The following ARHGAP24 variants were observed in gnomAD, a reference collection of about 807,000 sequenced individuals.
ARHGAP24 encodes rho GTPase-activating protein 24.
In ARHGAP24, 50 loss-of-function variants were observed where a neutral mutation model predicts 76.4. That is an observed-to-expected ratio of 0.65 (90% CI 0.52 to 0.83). The LOEUF (loss-of-function observed/expected upper bound fraction) is 0.83. Ranked by LOEUF, ARHGAP24 falls within the 40% of genes least tolerant of loss-of-function variation. The pLI, the probability that ARHGAP24 is intolerant of heterozygous loss-of-function variation, is 0.00. For missense variants in ARHGAP24, 930 were observed against 914.2 expected, an observed-to-expected ratio of 1.02 and a Z score of -0.22; for synonymous variants, 345 against 323.3, an observed-to-expected ratio of 1.07 and a Z score of -0.72.
intron 2 of ARHGAP24, among the ~76,000 whole-genome samples, chr4:85,612,069 CTCTT>C (rs1246090610): frequency 1.5e-5 from 2 of 133,406 alleles, no homozygotes; most frequent in Non-Finnish European, 3.1e-5. Flanking sequence ...AAATTGGGTT[CTCTT>C]TCATTACATT....
At chr4:85,676,572 G>A (rs546419490) in intron 2 of ARHGAP24, among the ~76,000 whole-genome samples, 1 of 152,266 alleles carries the variant, frequency 6.6e-6, no homozygotes, top group Non-Finnish European at 1.5e-5. Flanking sequence ...TGAACAAGGA[G>A]TTAGGAAACT....
chr4:85,728,253 A>T (rs1725245583), intron 3 of ARHGAP24, among the ~76,000 whole-genome samples: 2 of 137,988 alleles, frequency 1.4e-5, no homozygotes, highest in South Asian at 4.8e-4. Flanking sequence ...AAAAAAAAAA[A>T]GGCAAATACC....
chr4:85,580,169 A>T (rs2623766), intron 2 of ARHGAP24, among the ~76,000 whole-genome samples: 2,412 of 151,740 alleles, frequency 0.016, 54 homozygotes, highest in African/African-American at 0.055. Context: ...AGAGAGAGAG[A>T]GAGAGAGACC....
chr4:85,690,248 T>C (rs1723582141), intron 2 of ARHGAP24, among the ~76,000 whole-genome samples: 1 of 139,318 alleles, frequency 7.2e-6, no homozygotes, highest in African/African-American at 2.6e-5. Context: ...CAGAGATATT[T>C]ATCAGAAATA....
chr4:85,740,712 G>C (rs556952185), intron 3 of ARHGAP24, among the ~76,000 whole-genome samples: 1 of 151,882 alleles, frequency 6.6e-6, no homozygotes, highest in South Asian at 2.1e-4. Flanking sequence ...TCTTTCCTTC[G>C]TGTGAGTGGA....
In ARHGAP24 at chr4:85,570,509, G is replaced by A; in HGVS notation, c.-20-13G>A. On this transcript the variant is annotated splice_polypyrimidine_tract_variant and intron_variant, in intron 1 of 9. Coordinates refer to ENST00000395184, the MANE Select transcript of ARHGAP24 (RefSeq NM_001025616.3). ...CACCTCATTATTTTCCTTTCTTTTT[G>A]TTTGCTAACTAGGAAAGTCCATCAG... 1 of 1,591,308 alleles carries A rather than the reference G, an allele frequency of 6.3e-7. No homozygotes were observed. Among genetic ancestry groups the A allele is most frequent in the Non-Finnish European group, 8.5e-7 (1 of 1,170,514 alleles).
At chr4:85,544,156 A>C (rs1372001424) in intron 1 of ARHGAP24, among the ~76,000 whole-genome samples, 1 of 152,222 alleles carries the variant, frequency 6.6e-6, no homozygotes, top group Non-Finnish European at 1.5e-5. Context: ...TACTACTGCC[A>C]GGCTGATAAT....
At chr4:85,482,523 G>A (rs997231070) in intron 1 of ARHGAP24, among the ~76,000 whole-genome samples, 7 of 152,104 alleles carry the variant, frequency 4.6e-5, no homozygotes, top group Non-Finnish European at 7.4e-5. Flanking sequence ...TCAAGCTGCC[G>A]AGGGAGGATG....
chr4:85,523,886 G>C (rs1430831110), intron 1 of ARHGAP24, among the ~76,000 whole-genome samples: 1 of 151,970 alleles, frequency 6.6e-6, no homozygotes, highest in Non-Finnish European at 1.5e-5. Flanking sequence ...TTACAACGGA[G>C]TTAAAATTTT....
At chr4:85,498,558 G>A (rs72976487) in intron 1 of ARHGAP24, among the ~76,000 whole-genome samples, 2,442 of 152,306 alleles carry the variant, frequency 0.016, 65 homozygotes, top group African/African-American at 0.055. Flanking sequence ...AAATCCACGG[G>A]CCTGTGTAGA....
chr4:85,878,225 A>G (rs541959496), intron 3 of ARHGAP24, among the ~76,000 whole-genome samples: 3 of 152,262 alleles, frequency 2.0e-5, no homozygotes, highest in Admixed American at 1.3e-4. Context: ...AGATATGTAT[A>G]TGTGTTTTTG....
intron 2 of ARHGAP24, among the ~76,000 whole-genome samples, chr4:85,632,566 C>T (rs915454348): frequency 2.0e-5 from 3 of 149,658 alleles, no homozygotes; most frequent in Admixed American, 2.0e-4. Context: ...GAAAAATATC[C>T]CTGTGGACTC....
chr4:85,506,883 G>A (rs1203422650), intron 1 of ARHGAP24, among the ~76,000 whole-genome samples: 1 of 75,318 alleles, frequency 1.3e-5, no homozygotes, highest in African/African-American at 5.0e-5. Context: ...CTTGGAATGG[G>A]ATCTAAGCCT....
At chr4:85,896,313 A>G (rs1165795676) in intron 3 of ARHGAP24, among the ~76,000 whole-genome samples, 1 of 152,188 alleles carries the variant, frequency 6.6e-6, no homozygotes, top group Non-Finnish European at 1.5e-5. Context: ...GTATTACTAT[A>G]TTATCTTAAA....
intron 3 of ARHGAP24, among the ~76,000 whole-genome samples, chr4:85,765,583 C>G (rs993975973): frequency 6.6e-6 from 1 of 152,048 alleles, no homozygotes; most frequent in African/African-American, 2.4e-5. Context: ...CTACTCTTTA[C>G]AAGCTTCTGG....
intron 2 of ARHGAP24, among the ~76,000 whole-genome samples, chr4:85,665,884 T>A (rs1722596013): frequency 6.6e-6 from 1 of 152,214 alleles, no homozygotes; most frequent in South Asian, 2.1e-4. Context: ...CCAAGAGATC[T>A]GCTGTTAGTC....
chr4:85,678,621 A>G (rs1723084237), intron 2 of ARHGAP24, among the ~76,000 whole-genome samples: 1 of 152,226 alleles, frequency 6.6e-6, no homozygotes, highest in South Asian at 2.1e-4. Context: ...CTAGGCAGTC[A>G]GGTTGAAAAA....
At chr4:85,784,953 A>ATCTC (rs1727757602) in intron 3 of ARHGAP24, among the ~76,000 whole-genome samples, 1 of 110,964 alleles carries the variant, frequency 9.0e-6, no homozygotes, top group South Asian at 2.9e-4. Context: ...CTATCTATCT[A>ATCTC]TCTATCTCTC....
intron 1 of ARHGAP24, among the ~76,000 whole-genome samples, chr4:85,480,297 A>T (rs1242610776): frequency 6.6e-6 from 1 of 152,174 alleles, no homozygotes; most frequent in African/African-American, 2.4e-5. Flanking sequence ...TTTTTAAAGT[A>T]TATCTCTTCT....
Sources: gnomAD v4.1 joint callset for allele counts (sites outside exome capture counted in the v4.1 genomes callset) on GRCh38, gnomAD v4.1.1 for gene constraint, MANE v1.5 for transcripts, NCBI Gene and HGNC (gene_info 2026-07-23, HGNC 2026-07-21) for gene names.